The following UQCC1 variants were observed in gnomAD, a reference collection of about 807,000 sequenced individuals.
UQCC1 encodes ubiquinol-cytochrome c reductase complex assembly factor 1.
In UQCC1, 38 loss-of-function variants were observed where a neutral mutation model predicts 48.0. The observed-to-expected ratio is 0.79, with a 90% CI of 0.61 to 1.04. The LOEUF (loss-of-function observed/expected upper bound fraction) is 1.04. Among genes scored for constraint, UQCC1 ranks in the 50% least tolerant of loss-of-function variants. The probability of loss-of-function intolerance (pLI) is 0.00; values close to 1 mark genes in which losing one functional copy is unlikely to be tolerated. For synonymous variants in UQCC1, 111 were observed against 129.2 expected (o/e 0.86, Z 0.95); for missense variants, 368 against 381.8 (o/e 0.96, Z 0.30).
chr20:35,355,941 T>C (rs2061542314), intron 6 of UQCC1, among the ~76,000 whole-genome samples: 3 of 151,168 alleles, frequency 2.0e-5, no homozygotes, highest in African/African-American at 7.3e-5. Flanking sequence ...TGGAAAGCAG[T>C]GGTATAATCT....
In UQCC1 at chr20:35,336,940, C is replaced by T. The variant is rs1039987626; in HGVS notation, c.573+10224G>A. Among the ~76,000 whole-genome samples, 10 of 152,320 alleles carry T rather than the reference C, an allele frequency of 6.6e-5. 1 individual carries two copies. Among genetic ancestry groups the T allele is most frequent in the Admixed American group, 2.6e-4 (4 of 15,300 alleles). On this transcript the variant is annotated intron_variant, in intron 7 of 9. Coordinates refer to ENST00000374385, the MANE Select transcript of UQCC1 (RefSeq NM_018244.5). Reference sequence around the variant, plus strand: ...GCTGAAATCCTCAAGTTTCACATGTCGTTAGCCCATGCCTAGACCCTGCTC... The same window carrying T: ...GCTGAAATCCTCAAGTTTCACATGTTGTTAGCCCATGCCTAGACCCTGCTC...
At chr20:35,320,628 C>T (rs562805848) in intron 7 of UQCC1, among the ~76,000 whole-genome samples, 20 of 152,154 alleles carry the variant, frequency 1.3e-4, no homozygotes, top group African/African-American at 2.4e-4. Flanking sequence ...CATCAGTGGC[C>T]GGTTACTAAT....
Position 35,306,677 on chromosome 20 carries a change from C to T in UQCC1, c.754G>A (p.Val252Met), listed in dbSNP as rs776513084. The T allele has an allele frequency of 6.2e-7, 1 of 1,613,742 alleles. No homozygotes were observed. The highest frequency in any genetic ancestry group is 1.1e-5 in the South Asian group (1 of 91,082). Residue 252 changes from valine (V) to methionine (M), a missense_variant, in exon 9 of 10, where the codon GTG (valine) becomes ATG (methionine). Val to Met is a conservative substitution (Grantham distance 21). Transcript: ENST00000374385. The stretch of plus-strand genomic sequence containing the variant: ...AAAGGGTCACTCACCTGTTTCCTCA[C>T]ATACTCTACCAGCAATTCAAGATGT... The part of the protein sequence containing the change: ...PRHLELLVEY[V>M]RKQIQYLDSM...
At chr20:35,390,709 G>T (rs1397383362) in intron 2 of UQCC1, among the ~76,000 whole-genome samples, 1 of 151,810 alleles carries the variant, frequency 6.6e-6, no homozygotes, top group East Asian at 1.9e-4. Context: ...CTCCTGACAA[G>T]ATACTAATTA....
chr20:35,405,025 C>G (rs1275561769), intron 1 of UQCC1, among the ~76,000 whole-genome samples: 1 of 152,142 alleles, frequency 6.6e-6, no homozygotes, highest in Non-Finnish European at 1.5e-5. Context: ...TGCACATGCT[C>G]AGGAAAGACC....
In UQCC1 at chr20:35,404,108, G is replaced by A. The variant is rs1164271419; in HGVS notation, c.24+7832C>T. ...AAAAATTAGCCAGGCGTGGCCGGGC[G>A]CAGTGGCTCACGCTTGTAATCCCAG... On this transcript the variant is annotated intron_variant, in intron 1 of 9. Transcript: ENST00000374385. 6.6e-5 allele frequency among the ~76,000 whole-genome samples: 10 copies of A among 152,260 alleles called. 1 individual carries two copies. The South Asian group carries it at 8.3e-4, about 13-fold the overall frequency.
chr20:35,348,051 C>T (rs1047836327), intron 6 of UQCC1, among the ~76,000 whole-genome samples: 2 of 152,182 alleles, frequency 1.3e-5, no homozygotes, highest in African/African-American at 2.4e-5. Context: ...GTTTCCCCCA[C>T]TAGAAGGTAA....
At chr20:35,400,292 C>T (rs1171067596) in intron 1 of UQCC1, among the ~76,000 whole-genome samples, 1 of 152,046 alleles carries the variant, frequency 6.6e-6, no homozygotes, top group Non-Finnish European at 1.5e-5. Context: ...TGTGGAAGTA[C>T]TTATCTCTCT....
chr20:35,369,429 T>A (rs1349099580), intron 5 of UQCC1, among the ~76,000 whole-genome samples: 1 of 152,262 alleles, frequency 6.6e-6, no homozygotes, highest in Non-Finnish European at 1.5e-5. Context: ...GATCACACTC[T>A]TGCTCCAATG....
intron 8 of UQCC1, among the ~76,000 whole-genome samples, chr20:35,310,793 T>G (rs1335660528): frequency 7.0e-6 from 1 of 143,134 alleles, no homozygotes; most frequent in Non-Finnish European, 1.5e-5. Flanking sequence ...CCTGGGTTCA[T>G]GCCATTCTCC....
At chr20:35,410,519 G>A (rs1376452452) in intron 1 of UQCC1, among the ~76,000 whole-genome samples, 2 of 146,208 alleles carry the variant, frequency 1.4e-5, no homozygotes, top group African/African-American at 5.1e-5. Context: ...GTGACAGAGC[G>A]AGACTCCATC....
chr20:35,397,402 G>A lies in UQCC1; in HGVS notation c.25-3206C>T, dbSNP rs182989053. On this transcript the variant is annotated intron_variant, in intron 1 of 9. Coordinates refer to ENST00000374385, the MANE Select transcript of UQCC1 (RefSeq NM_018244.5). ...GTGGTGGTGGGCGCCTGTAATCCCAGCTACTCAGGAGGCTGAGGTAGGAGA... is the reference window on the plus strand; with the variant it reads ...GTGGTGGTGGGCGCCTGTAATCCCAACTACTCAGGAGGCTGAGGTAGGAGA... Among the ~76,000 whole-genome samples the A allele has an allele frequency of 6.5e-3, 974 of 150,266 alleles. 15 individuals carry two copies. Among genetic ancestry groups the A allele is most frequent in the African/African-American group, 0.023 (929 of 40,822 alleles).
At chr20:35,309,218 A>G (rs1223760930) in intron 8 of UQCC1, 1 of 455,022 alleles carries the variant, frequency 2.2e-6, no homozygotes, top group Non-Finnish European at 4.4e-6. Flanking sequence ...GGATCACTTG[A>G]GCCCAGGAGT....
intron 2 of UQCC1, among the ~76,000 whole-genome samples, chr20:35,392,605 A>G (rs1253657609): frequency 6.6e-6 from 1 of 152,230 alleles, no homozygotes; most frequent in Non-Finnish European, 1.5e-5. Context: ...CAAGCTCTGA[A>G]AAGAAATACC....
At chr20:35,387,125 A>G (rs2061954261) in intron 2 of UQCC1, among the ~76,000 whole-genome samples, 1 of 151,850 alleles carries the variant, frequency 6.6e-6, no homozygotes, top group African/African-American at 2.4e-5. Context: ...CCCCTCCAAA[A>G]AAAAACAAAA....
intron 7 of UQCC1, among the ~76,000 whole-genome samples, chr20:35,336,472 T>G (rs1044255953): frequency 1.3e-5 from 2 of 152,098 alleles, no homozygotes; most frequent in Non-Finnish European, 2.9e-5. Flanking sequence ...GGAAGGAACT[T>G]AGGCTCAGAT....
intron 9 of UQCC1, among the ~76,000 whole-genome samples, chr20:35,304,340 G>A (rs1290820157): frequency 6.6e-6 from 1 of 152,084 alleles, no homozygotes; most frequent in African/African-American, 2.4e-5. Flanking sequence ...TCTGAATGGA[G>A]ACAGACACAC....
At position 35,374,243 on chromosome 20, in the gene UQCC1, G is replaced by C; in HGVS notation, c.347C>G (p.Ala116Gly). Residue 116 changes from alanine to glycine, a missense_variant, in exon 5 of 10, where the codon GCG becomes GGG. Transcript: ENST00000374385. ...ACAGCTAGTATACATGCGCAGGGCCGCAATCTTAATCTTCTAGACAAAGAG... is the reference window on the plus strand; with the variant it reads ...ACAGCTAGTATACATGCGCAGGGCCCCAATCTTAATCTTCTAGACAAAGAG... Reference protein sequence around the residue: ...LKYSKWKIKIAALRMYTSCVE... With the variant: ...LKYSKWKIKIGALRMYTSCVE... 6.2e-7 allele frequency: 1 copy of C among 1,610,992 alleles called. No individual in the cohort carries two copies. Among genetic ancestry groups the C allele is most frequent in the Non-Finnish European group, 8.5e-7 (1 of 1,178,674 alleles).
intron 1 of UQCC1, among the ~76,000 whole-genome samples, chr20:35,399,333 A>C (rs1407630323): frequency 6.6e-6 from 1 of 152,188 alleles, no homozygotes; most frequent in East Asian, 1.9e-4. Context: ...GTGGTTTCCA[A>C]GGACCTCTTT....
Sources: allele counts gnomAD v4.1 joint callset (sites outside exome capture counted in the v4.1 genomes callset), GRCh38; gene constraint gnomAD v4.1.1; transcripts MANE v1.5; gene names NCBI Gene and HGNC (gene_info 2026-07-23, HGNC 2026-07-21).